COLEC11: variants seen among roughly 807,000 people sequenced by gnomAD.
COLEC11 encodes the protein collectin subfamily member 11, also known as collectin-11.
Under a neutral mutation model 27.3 loss-of-function variants are expected in COLEC11, and 20 were observed. The observed-to-expected ratio is 0.73, with a 90% CI of 0.51 to 1.06. The LOEUF (loss-of-function observed/expected upper bound fraction) is 1.06, where lower values mean the gene tolerates loss of function less well. COLEC11 is among the 50% of genes least tolerant of loss of function. The pLI is 0.00. For missense variants in COLEC11, 310 were observed against 383.0 expected, an observed-to-expected ratio of 0.81 and a Z score of 1.59; for synonymous variants, 163 against 154.7, an observed-to-expected ratio of 1.05 and a Z score of -0.40.
At chr2:3,599,949 A>G (rs1024934410) in intron 1 of COLEC11, among the ~76,000 whole-genome samples, 10 of 152,180 alleles carry the variant, frequency 6.6e-5, no homozygotes, top group African/African-American at 2.4e-4. Context: ...ATAAAACTCA[A>G]AAGCGGCCAG....
intron 3 of COLEC11, among the ~76,000 whole-genome samples, chr2:3,630,559 CAAG>C (rs1435615250): frequency 2.6e-5 from 4 of 152,066 alleles, no homozygotes; most frequent in Admixed American, 2.6e-4. Context: ...GATGAGGAAA[CAAG>C]AAGTCAGAAA....
chr2:3,605,959 CTT>C, intron 2 of COLEC11: 1 of 1,175,108 alleles, frequency 8.5e-7, no homozygotes. Flanking sequence ...GCCCAGTGGC[CTT>C]TGTGCTTTTA....
chr2:3,641,086 C>T (rs1665826572), intron 5 of COLEC11, among the ~76,000 whole-genome samples: 1 of 134,142 alleles, frequency 7.5e-6, no homozygotes, highest in Admixed American at 7.3e-5. Context: ...GGACACCCAC[C>T]CACCATGTAG....
chr2:3,612,226 A>C (rs11123647), intron 2 of COLEC11, among the ~76,000 whole-genome samples: 100,423 of 147,834 alleles, frequency 0.68, 34,381 homozygotes, highest in South Asian at 0.87. Flanking sequence ...ACACACGCAC[A>C]CACATGCACC....
chr2:3,605,211 A>T (rs1180758776), intron 2 of COLEC11: 3 of 422,278 alleles, frequency 7.1e-6, no homozygotes, highest in Non-Finnish European at 1.5e-5. Context: ...GGGACAGCAG[A>T]GTGTGTGCCA....
intron 3 of COLEC11, among the ~76,000 whole-genome samples, chr2:3,616,560 C>A (rs1292430972): frequency 6.6e-6 from 1 of 152,254 alleles, no homozygotes; most frequent in African/African-American, 2.4e-5. Flanking sequence ...AGCTGGAGAC[C>A]AGCCCGGCCA....
rs112907673 is a variant in COLEC11, at chr2:3,632,536, C to T, written c.203-4997C>T. On this transcript the variant is annotated intron_variant, in intron 3 of 6. Transcript: ENST00000349077. ...CACAATCCCGGCCTCTCTTTCTCTTCGGTAAAGCCACAGTCCTGTTGGACC... is the reference window on the plus strand; with the variant it reads ...CACAATCCCGGCCTCTCTTTCTCTTTGGTAAAGCCACAGTCCTGTTGGACC... Among the ~76,000 whole-genome samples, 264 of 152,308 alleles carry T rather than the reference C, an allele frequency of 1.7e-3. 2 individuals are homozygous for T. The highest frequency in any genetic ancestry group is 5.8e-3 in the African/African-American group (242 of 41,544).
chr2:3,636,936 G>T (rs985618257), intron 3 of COLEC11, among the ~76,000 whole-genome samples: 5 of 152,190 alleles, frequency 3.3e-5, no homozygotes, highest in Admixed American at 6.5e-5. Context: ...CCTAAGCTGG[G>T]GACAGGGGCC....
Position 3,640,436 on chromosome 2 carries a change from C to A in COLEC11, c.328+105C>A, listed in dbSNP as rs1665760488. On this transcript the variant is annotated intron_variant, in intron 5 of 6. Transcript: ENST00000349077. ...TGTAGATCCCACAGTGGACACCCACCCCTGTCACATCCCACAGTGGACACC... is the reference window on the plus strand; with the variant it reads ...TGTAGATCCCACAGTGGACACCCACACCTGTCACATCCCACAGTGGACACC... The A allele has an allele frequency of 9.8e-6, 7 of 714,990 alleles. No individual in the cohort carries two copies. In the Admixed American group the frequency reaches 1.0e-4, roughly 10 times the overall value. 44.3% of individuals were successfully genotyped at this position (714,990 alleles called of 1,614,324 possible).
intron 3 of COLEC11, among the ~76,000 whole-genome samples, chr2:3,628,029 C>T (rs534925335): frequency 9.8e-4 from 150 of 152,362 alleles, no homozygotes; most frequent in African/African-American, 3.4e-3. Flanking sequence ...TCACAGCCTT[C>T]ACAGGGCGTT....
chr2:3,617,006 G>T (rs1663806555), intron 3 of COLEC11, among the ~76,000 whole-genome samples: 1 of 152,192 alleles, frequency 6.6e-6, no homozygotes, highest in South Asian at 2.1e-4. Context: ...TGTGATGGCT[G>T]TTGTGAATAA....
chr2:3,606,218 C>T lies in COLEC11; in HGVS notation c.130+1748C>T, dbSNP rs780829742. ...TGTGGTGGGTGCCTCCGAGTCCCTA[C>T]GGTTGTCTTCCCTGCGCCCTGCCAG... On this transcript the variant is annotated intron_variant, in intron 2 of 6. Coordinates refer to ENST00000349077, the MANE Select transcript of COLEC11 (RefSeq NM_024027.5). The T allele has an allele frequency of 4.8e-5, 75 of 1,550,356 alleles. 1 individual carries two copies. Among genetic ancestry groups the T allele is most frequent in the Admixed American group, 3.1e-4 (16 of 50,982 alleles).
rs751429156 is a variant in COLEC11 at position 3,641,335 on chromosome 2, CACTG to C, written c.328+1009_328+1012del. ...AGTGTGAGTGCGCTGAGATCAGTGT[CACTG>C]ACTGGCCGAGCAGCATCCGCTCAGG... On this transcript the variant is annotated intron_variant, in intron 5 of 6. Coordinates refer to ENST00000349077, the MANE Select transcript of COLEC11 (RefSeq NM_024027.5). 49 of 1,302,902 alleles carry C rather than the reference CACTG, an allele frequency of 3.8e-5. No individual in the cohort carries two copies. The East Asian group carries it at 1.2e-3, about 31-fold the overall frequency. 80.7% of individuals were successfully genotyped at this position (1,302,902 alleles called of 1,614,324 possible). A position where few individuals can be genotyped will look rare whatever the true frequency, so the allele number is the denominator to read the frequency against.
At position 3,626,022 on chromosome 2, in the gene COLEC11, G is replaced by A. The variant is rs1664528555; in HGVS notation, c.203-11511G>A. ...GTATTTACTTTTTCCAGCAGTCACA[G>A]CCAGTCGTGACAGCTTCTGACATCT... On this transcript the variant is annotated intron_variant, in intron 3 of 6. Coordinates refer to ENST00000349077, the MANE Select transcript of COLEC11 (RefSeq NM_024027.5). 6.8e-6 allele frequency: 11 copies of A among 1,613,604 alleles called. No homozygotes were observed. The East Asian group carries it at 2.5e-4, about 36-fold the overall frequency.
chr2:3,615,833 GGCGGCTGGCCGGGC>G (rs1663650760), intron 3 of COLEC11, among the ~76,000 whole-genome samples: 2 of 20,804 alleles, frequency 9.6e-5, no homozygotes, highest in South Asian at 5.8e-3. Context: ...TCCCGGACGC[GGCGGCTGGCCGGGC>G]AGGGGCTGCC....
At chr2:3,634,742 G>C (rs1665259642) in intron 3 of COLEC11, among the ~76,000 whole-genome samples, 1 of 152,140 alleles carries the variant, frequency 6.6e-6, no homozygotes, top group Non-Finnish European at 1.5e-5. Context: ...GGCTGCCGTG[G>C]AGAGGGATTC....
intron 3 of COLEC11, among the ~76,000 whole-genome samples, chr2:3,627,160 C>T (rs937476094): frequency 7.2e-5 from 11 of 152,224 alleles, no homozygotes; most frequent in African/African-American, 1.7e-4. Context: ...GTGACCTCTG[C>T]GGGAACTTGG....
intron 3 of COLEC11, among the ~76,000 whole-genome samples, chr2:3,615,685 A>G (rs577921509): frequency 6.6e-6 from 1 of 152,162 alleles, no homozygotes; most frequent in African/African-American, 2.4e-5. Flanking sequence ...GGCCGGGCAG[A>G]GGGGCTCCTC....
intron 5 of COLEC11, among the ~76,000 whole-genome samples, chr2:3,643,147 G>C (rs1306013505): frequency 1.3e-5 from 2 of 152,172 alleles, no homozygotes; most frequent in Non-Finnish European, 2.9e-5. Context: ...AGCCAGACCT[G>C]CTTCCCTGGT....
Sources: allele counts gnomAD v4.1 joint callset (sites outside exome capture counted in the v4.1 genomes callset), GRCh38; gene constraint gnomAD v4.1.1; transcripts MANE v1.5; gene names NCBI Gene and HGNC (gene_info 2026-07-23, HGNC 2026-07-21).